Variants in TRHDE observed in about 807,000 individuals in gnomAD.
The protein encoded by TRHDE is thyrotropin-releasing hormone-degrading ectoenzyme.
TRHDE carries 72 observed loss-of-function variants against 125.7 expected under a neutral mutation model. That is an observed-to-expected ratio of 0.57 (90% CI 0.47 to 0.70). The LOEUF (loss-of-function observed/expected upper bound fraction) is 0.70. Among genes scored for constraint, TRHDE ranks in the 30% least tolerant of loss-of-function variants. The pLI is 0.00. For synonymous variants in TRHDE, 509 were observed against 509.1 expected (o/e 1.00, Z 0.00); for missense variants, 1,110 against 1,327.1 (o/e 0.84, Z 2.54).
intron 15 of TRHDE, 33 bp from the exon 16 acceptor site, chr12:72,652,289 T>C: frequency 7.3e-7 from 1 of 1,374,316 alleles, no homozygotes; most frequent in Non-Finnish European, 9.5e-7. Context: ...AAGCTTTTAA[T>C]TAACAGAAAA....
intron 15 of TRHDE, among the ~76,000 whole-genome samples, chr12:72,632,039 A>C (rs1221050445): frequency 1.3e-5 from 2 of 151,956 alleles, no homozygotes; most frequent in Non-Finnish European, 2.9e-5. Context: ...GATGATGACA[A>C]TTGCTATAAA....
chr12:72,345,518 A>C (rs1335733869), intron 2 of TRHDE, among the ~76,000 whole-genome samples: 3 of 152,156 alleles, frequency 2.0e-5, no homozygotes, highest in Admixed American at 6.5e-5. Context: ...CTTTGTTTTC[A>C]ATATAACTGA....
At chr12:72,213,455 A>G (rs1006369299) in intron 2 of TRHDE, among the ~76,000 whole-genome samples, 1 of 152,166 alleles carries the variant, frequency 6.6e-6, no homozygotes, top group Non-Finnish European at 1.5e-5. Flanking sequence ...GTGTGTCGCT[A>G]TAATACTTAT....
intron 2 of TRHDE, among the ~76,000 whole-genome samples, chr12:72,191,184 C>A (rs1337783149): frequency 2.6e-5 from 4 of 152,178 alleles, no homozygotes; most frequent in African/African-American, 9.7e-5. Context: ...TTATAGAATT[C>A]TTAGTGGGCT....
chr12:72,131,699 T>G (rs1341336274), intron 2 of TRHDE, among the ~76,000 whole-genome samples: 1 of 152,216 alleles, frequency 6.6e-6, no homozygotes, highest in East Asian at 1.9e-4. Flanking sequence ...CAGGCTCTGC[T>G]CCATATCATT....
At chr12:72,611,074 A>T (rs1489693543) in intron 12 of TRHDE, 1 of 167,882 alleles carries the variant, frequency 6.0e-6, no homozygotes, top group Non-Finnish European at 1.3e-5. Context: ...TTTTAAAAGG[A>T]GCAGCTGGCT....
chr12:72,261,252 T>C (rs1440936289), intron 2 of TRHDE, among the ~76,000 whole-genome samples: 2 of 152,190 alleles, frequency 1.3e-5, no homozygotes, highest in Non-Finnish European at 2.9e-5. Flanking sequence ...AAGGGTACAG[T>C]AAATTATCTT....
At chr12:72,533,512 GTA>G (rs1271565228) in intron 6 of TRHDE, among the ~76,000 whole-genome samples, 2 of 151,906 alleles carry the variant, frequency 1.3e-5, no homozygotes, top group African/African-American at 4.8e-5. Context: ...ATATTTATTA[GTA>G]TATGTTTCTA....
At chr12:72,485,933 C>T (rs1011468376) in intron 5 of TRHDE, among the ~76,000 whole-genome samples, 21 of 152,146 alleles carry the variant, frequency 1.4e-4, no homozygotes, top group African/African-American at 4.6e-4. Flanking sequence ...TTTCTGAGTA[C>T]TTGCTGCTGC....
At chr12:72,147,734 C>A (rs1471791928) in intron 2 of TRHDE, 5 of 152,322 alleles carry the variant, frequency 3.3e-5, no homozygotes, top group East Asian at 1.9e-4. Context: ...ATCTCCCAAC[C>A]TTTATACTGA....
chr12:72,360,231 C>T (rs1048609434), intron 2 of TRHDE, among the ~76,000 whole-genome samples: 8 of 151,680 alleles, frequency 5.3e-5, no homozygotes, highest in Non-Finnish European at 1.0e-4. Flanking sequence ...CTAAAGAGAA[C>T]ATTTGATATT....
At chr12:72,430,687 A>G (rs1174838321) in intron 3 of TRHDE, among the ~76,000 whole-genome samples, 1 of 151,916 alleles carries the variant, frequency 6.6e-6, no homozygotes, top group Non-Finnish European at 1.5e-5. Context: ...TTAAAGTGTT[A>G]CTACTCCAAC....
At chr12:72,185,287 C>T (rs1370423448) in intron 2 of TRHDE, among the ~76,000 whole-genome samples, 2 of 152,224 alleles carry the variant, frequency 1.3e-5, no homozygotes, top group Non-Finnish European at 2.9e-5. Flanking sequence ...TCCCGCGGGG[C>T]AGGGCTGGGG....
rs541703462 is a variant in TRHDE, at chr12:72,487,295, G to A, written c.1585-12203G>A. 7.2e-5 allele frequency among the ~76,000 whole-genome samples: 11 copies of A among 152,078 alleles called. No homozygotes were observed. The East Asian group carries it at 9.7e-4, about 13-fold the overall frequency. On this transcript the variant is annotated intron_variant, in intron 5 of 18. Coordinates refer to ENST00000261180, the MANE Select transcript of TRHDE (RefSeq NM_013381.3). ...TATTGTCAGTAGTCCCCAAACAGTCGCCAAACAGAAATAACTCAAAGATGT... is the reference window on the plus strand; with the variant it reads ...TATTGTCAGTAGTCCCCAAACAGTCACCAAACAGAAATAACTCAAAGATGT...
chr12:72,670,587 T>C lies in TRHDE; in HGVS notation c.*7392T>C, dbSNP rs1875223008. On this transcript the variant is annotated 3_prime_UTR_variant, in exon 19 of 19. Transcript: ENST00000261180. ...TTTAAAATTTTGAGTATATATATTATAGAGGTCCATGCAAATGGAAAAAAA... is the reference window on the plus strand; with the variant it reads ...TTTAAAATTTTGAGTATATATATTACAGAGGTCCATGCAAATGGAAAAAAA... 6.6e-6 allele frequency: 1 copy of C among 151,726 alleles called. No individual in the cohort carries two copies. The highest frequency in any genetic ancestry group is 1.9e-4 in the East Asian group (1 of 5,156). The allele number at this position is 151,726 out of a possible 1,614,324, so 9.4% of individuals were successfully genotyped here. A position where few individuals can be genotyped will look rare whatever the true frequency, so the allele number is the denominator to read the frequency against.
chr12:72,136,422 G>A (rs1257754054), intron 2 of TRHDE, among the ~76,000 whole-genome samples: 1 of 152,176 alleles, frequency 6.6e-6, no homozygotes, highest in Non-Finnish European at 1.5e-5. Flanking sequence ...TGAAGCAGAG[G>A]CATGCATATC....
chr12:72,215,984 G>A (rs1877882349), intron 2 of TRHDE, among the ~76,000 whole-genome samples: 1 of 152,154 alleles, frequency 6.6e-6, no homozygotes, highest in African/African-American at 2.4e-5. Flanking sequence ...AGACAAAGCT[G>A]GGTTTACATG....
At chr12:72,176,285 C>T (rs1263565629) in intron 2 of TRHDE, among the ~76,000 whole-genome samples, 2 of 152,120 alleles carry the variant, frequency 1.3e-5, no homozygotes, top group Admixed American at 6.5e-5. Context: ...GTAAGAGGAT[C>T]GCTTGAGCCG....
intron 7 of TRHDE, among the ~76,000 whole-genome samples, chr12:72,555,958 T>C (rs1345797625): frequency 6.6e-6 from 1 of 152,200 alleles, no homozygotes; most frequent in Non-Finnish European, 1.5e-5. Context: ...CTGTTGCTTT[T>C]TAAAATGTTT....
Sources: gnomAD v4.1 joint callset for allele counts (sites outside exome capture counted in the v4.1 genomes callset) on GRCh38, gnomAD v4.1.1 for gene constraint, MANE v1.5 for transcripts, NCBI Gene and HGNC (gene_info 2026-07-23, HGNC 2026-07-21) for gene names.